CLEC12B: variants seen among roughly 807,000 people sequenced by gnomAD.
CLEC12B encodes macrophage antigen h.
CLEC12B carries 25 observed loss-of-function variants against 36.1 expected under a neutral mutation model. The ratio of observed to expected loss-of-function variants is 0.69; its 90% CI spans 0.50 to 0.97. CLEC12B has a LOEUF of 0.97. CLEC12B is among the 50% of genes least tolerant of loss of function. CLEC12B has a pLI of 0.00. For synonymous variants in CLEC12B, 110 were observed against 108.5 expected, an observed-to-expected ratio of 1.01 and a Z score of -0.09; for missense variants, 325 against 318.4, an observed-to-expected ratio of 1.02 and a Z score of -0.16.
intron 5 of CLEC12B, chr12:10,017,969 T>C: frequency 2.1e-6 from 2 of 953,250 alleles, no homozygotes; most frequent in Non-Finnish European, 2.5e-6. Flanking sequence ...TTTATTTTTA[T>C]GTTTTTCTTC....
rs561956878 is a variant in CLEC12B at position 10,012,163 on chromosome 12, G to T, written c.92-622G>T. On this transcript the variant is annotated intron_variant, in intron 1 of 5. Transcript: ENST00000338896. The stretch of plus-strand genomic sequence containing the variant: ...TAGGTGATAAATAGCATGAATAATA[G>T]ATAAGTTATTGTTAACAGGTAAAAG... Among the ~76,000 whole-genome samples, 11 of 152,256 alleles carry T rather than the reference G, an allele frequency of 7.2e-5. No homozygotes were observed. The South Asian group carries it at 2.3e-3, about 32-fold the overall frequency.
chr12:10,010,608 G>T (rs1301936985), upstream of CLEC12B: 1 of 531,948 alleles, frequency 1.9e-6, no homozygotes, highest in Admixed American at 3.2e-5. Context: ...GAAACAAATT[G>T]TCATTCTTCT....
chr12:10,014,476 A>AT, intron 2 of CLEC12B, 47 bp from the exon 3 acceptor site: 1 of 1,306,810 alleles, frequency 7.7e-7, no homozygotes, highest in Non-Finnish European at 1.1e-6. Flanking sequence ...ATCTACAGTT[A>AT]TAAGAATAGA....
upstream of CLEC12B, among the ~76,000 whole-genome samples, chr12:10,006,532 G>A (rs1353573281): frequency 6.6e-6 from 1 of 151,598 alleles, no homozygotes; most frequent in African/African-American, 2.4e-5. Flanking sequence ...ATTTAAAGAG[G>A]AATCAGTTAA....
chr12:10,012,625 C>T (rs145074846), intron 1 of CLEC12B, among the ~76,000 whole-genome samples, 160 bp from the exon 2 acceptor site: 6 of 152,282 alleles, frequency 3.9e-5, no homozygotes, highest in Admixed American at 2.6e-4. Context: ...ATGGCACCCT[C>T]ATTGCACTTC....
rs1865544673 is a variant in CLEC12B, at chr12:10,018,568, C to T, written c.*87C>T. On this transcript the variant is annotated 3_prime_UTR_variant, in exon 6 of 6. Coordinates refer to ENST00000338896, the MANE Select transcript of CLEC12B (RefSeq NM_001129998.3). Reference sequence around the variant, plus strand: ...AGGAAACTACGGTACCAGAGCCAAACCAGCTTTTAAAATGACTGTGTATTT... The same window carrying T: ...AGGAAACTACGGTACCAGAGCCAAATCAGCTTTTAAAATGACTGTGTATTT... 1 of 1,101,660 alleles carries T rather than the reference C, an allele frequency of 9.1e-7. No individual in the cohort carries two copies. Among genetic ancestry groups the T allele is most frequent in the East Asian group, 2.6e-5 (1 of 37,808 alleles). 68.2% of individuals were successfully genotyped at this position (1,101,660 alleles called of 1,614,324 possible). A position where few individuals can be genotyped will look rare whatever the true frequency, so the allele number is the denominator to read the frequency against.
At chr12:10,010,200 T>TCTCTCACACACACA (rs370060573), upstream of CLEC12B, among the ~76,000 whole-genome samples, 3 of 145,912 alleles carry the variant, frequency 2.1e-5, no homozygotes, top group African/African-American at 7.7e-5. Flanking sequence ...TGTCTCTCTC[T>TCTCTCACACACACA]CACACACACA....
intron 2 of CLEC12B, chr12:10,013,271 G>C (rs1054200694): frequency 1.2e-5 from 3 of 252,996 alleles, no homozygotes; most frequent in Non-Finnish European, 1.5e-5. Flanking sequence ...CTTAACACTA[G>C]ACTAGGTTCA....
intron 3 of CLEC12B, 112 bp from the exon 4 acceptor site, chr12:10,015,140 C>T (rs1865448106): frequency 1.1e-6 from 1 of 904,320 alleles, no homozygotes; most frequent in East Asian, 2.4e-5. Flanking sequence ...AGTATGCTTT[C>T]AGGGTGCAGG....
chr12:10,006,509 A>G (rs1052258111), upstream of CLEC12B, among the ~76,000 whole-genome samples: 12 of 151,888 alleles, frequency 7.9e-5, no homozygotes, highest in Admixed American at 1.3e-4. Flanking sequence ...GGACACAACA[A>G]CATCTTAAAT....
rs763291848 is a variant in CLEC12B at position 10,014,588 on chromosome 12, C to A, written c.256C>A (p.Gln86Lys). The A allele has an allele frequency of 5.6e-6, 9 of 1,613,622 alleles. No homozygotes were observed. In the Admixed American group the frequency reaches 8.3e-5, roughly 15 times the overall value. Residue 86 changes from glutamine (Q) to lysine (K), a missense_variant, in exon 3 of 6, where the codon CAA becomes AAA. Gln to Lys is a moderately conservative substitution (Grantham distance 53). Transcript: ENST00000338896. ...ATTGAGTCAACTTCAGAAAACCATC[C>A]AACAGCAGCAGGATAACTTATCCCA... is the stretch of plus-strand genomic sequence containing the variant. Reference protein sequence around the residue: ...EKLSQLQKTIQQQQDNLSQQL... With the variant: ...EKLSQLQKTIKQQQDNLSQQL...
In CLEC12B at chr12:10,014,672, T is replaced by G; in HGVS notation, c.340T>G (p.Ser114Ala). The G allele has an allele frequency of 6.2e-7, 1 of 1,613,726 alleles. No individual in the cohort carries two copies. Among genetic ancestry groups the G allele is most frequent in the Non-Finnish European group, 8.5e-7 (1 of 1,179,714 alleles). ...MEEEFLKSQI[S>A]SVLKRQEQMA... ...GGAGGAATTTCTCAAGTCACAGATC[T>G]CCAGTGTACTGAAGAGGCAGGAACA... The change falls in exon 3 of 6, where the codon TCC becomes GCC. Residue 114 changes from serine to alanine, a missense_variant. Coordinates refer to ENST00000338896, the MANE Select transcript of CLEC12B (RefSeq NM_001129998.3).
chr12:10,018,451 T>C lies in CLEC12B; in HGVS notation c.801T>C (p.Ala267=). The change falls in exon 6 of 6, where the codon GCT becomes GCC. Residue 267 remains alanine (A), a synonymous_variant. Coordinates refer to ENST00000338896, the MANE Select transcript of CLEC12B (RefSeq NM_001129998.3). The part of the protein sequence containing the change: ...AEIFWICEKT[A]APVKTEDLD ...TTTTTTGGATTTGCGAGAAGACAGC[T>C]GCCCCAGTGAAGACTGAGGATTTGG... 6.4e-7 allele frequency: 1 copy of C among 1,550,988 alleles called. No individual in the cohort carries two copies. The highest frequency in any genetic ancestry group is 8.7e-7 in the Non-Finnish European group (1 of 1,146,670).
Position 10,014,519 on chromosome 12 carries a change from G to C in CLEC12B, c.191-4G>C, listed in dbSNP as rs1470252312. 6.2e-7 allele frequency: 1 copy of C among 1,603,966 alleles called. No homozygotes were observed. The highest frequency in any genetic ancestry group is 2.2e-5 in the East Asian group (1 of 44,786). On this transcript the variant is annotated splice_polypyrimidine_tract_variant and splice_region_variant and intron_variant, in intron 2 of 5. Coordinates refer to ENST00000338896, the MANE Select transcript of CLEC12B (RefSeq NM_001129998.3). Reference sequence around the variant, plus strand: ...ATGAACTTGTCTCCTGTCATGTCTTGGAGTTTTGCAGATATCTAATGACAT... The same window carrying C: ...ATGAACTTGTCTCCTGTCATGTCTTCGAGTTTTGCAGATATCTAATGACAT...
chr12:10,008,848 G>C (rs752106218), upstream of CLEC12B, among the ~76,000 whole-genome samples: 5 of 152,186 alleles, frequency 3.3e-5, no homozygotes, highest in Non-Finnish European at 7.3e-5. Flanking sequence ...AAGAATTAAG[G>C]AAATGAGGAT....
chr12:10,010,942 C>A, intron 1 of CLEC12B, 92 bp downstream of exon 1: 2 of 744,942 alleles, frequency 2.7e-6, no homozygotes, highest in East Asian at 2.8e-5. Context: ...GCGTTAAAGA[C>A]ATGTGCTGTG....
Position 10,014,540 on chromosome 12 carries a change from G to T in CLEC12B, c.208G>T (p.Asp70Tyr). The part of the protein sequence containing the change: ...LGMMFLQISN[D>Y]INSDSEKLSQ... ...TCTTGGAGTTTTGCAGATATCTAAT[G>T]ACATTAACTCAGATTCAGAGAAATT... is the stretch of plus-strand genomic sequence containing the variant. The change falls in exon 3 of 6, where the codon GAC becomes TAC. Residue 70 changes from aspartate to tyrosine, a missense_variant. By Grantham distance (160) the Asp-to-Tyr change is radical. Coordinates refer to ENST00000338896, the MANE Select transcript of CLEC12B (RefSeq NM_001129998.3). The T allele has an allele frequency of 6.2e-7, 1 of 1,613,176 alleles. No homozygotes were observed. Among genetic ancestry groups the T allele is most frequent in the South Asian group, 1.1e-5 (1 of 91,056 alleles).
chr12:10,017,648 T>C lies in CLEC12B; in HGVS notation c.681-683T>C. The C allele has an allele frequency of 4.1e-6, 4 of 983,948 alleles. No individual in the cohort carries two copies. In the South Asian group the frequency reaches 1.9e-4, roughly 46 times the overall value. The allele number at this position is 983,948 out of a possible 1,614,324, so 61.0% of individuals were successfully genotyped here. On this transcript the variant is annotated intron_variant, in intron 5 of 5. Transcript: ENST00000338896. Reference sequence around the variant, plus strand: ...CTGAGTAAAGGCCAAGGCTAAGATTTAGTAAGCCTAGCCCTGAAGCAAGCA... The same window carrying C: ...CTGAGTAAAGGCCAAGGCTAAGATTCAGTAAGCCTAGCCCTGAAGCAAGCA...
upstream of CLEC12B, chr12:10,010,559 C>A: frequency 2.2e-6 from 1 of 454,076 alleles, no homozygotes; most frequent in Non-Finnish European, 4.1e-6. Flanking sequence ...GAGAATATCT[C>A]TAAGGAGAAT....
Sources: gnomAD v4.1 joint callset for allele counts (sites outside exome capture counted in the v4.1 genomes callset) on GRCh38, gnomAD v4.1.1 for gene constraint, MANE v1.5 for transcripts, NCBI Gene and HGNC (gene_info 2026-07-23, HGNC 2026-07-21) for gene names.